Variants in NRXN3 observed in about 807,000 individuals in gnomAD.
NRXN3 encodes the protein neurexin III.
A neutral mutation model predicts 137.6 loss-of-function variants in NRXN3; 32 were observed. That is an observed-to-expected ratio of 0.23 (90% CI 0.18 to 0.31). NRXN3 has a LOEUF of 0.31. Among genes scored for constraint, NRXN3 ranks in the 10% least tolerant of loss-of-function variants. The probability of loss-of-function intolerance (pLI) is 1.00; values close to 1 mark genes in which losing one functional copy is unlikely to be tolerated. For synonymous variants in NRXN3, 798 were observed against 784.5 expected (o/e 1.02, Z -0.29); for missense variants, 1,574 against 2,062.5 (o/e 0.76, Z 4.59).
chr14:79,451,119 T>C (rs911515825), intron 15 of NRXN3, among the ~76,000 whole-genome samples: 1 of 150,632 alleles, frequency 6.6e-6, no homozygotes, highest in Non-Finnish European at 1.5e-5. Context: ...CTTCCACTCT[T>C]ATGACACATG....
At chr14:79,298,653 C>A (rs1156729144) in intron 15 of NRXN3, 1 of 151,872 alleles carries the variant, frequency 6.6e-6, no homozygotes. Context: ...TTTCTTCTAG[C>A]GTAATCACTG....
chr14:78,502,817 C>G (rs1407398719), intron 4 of NRXN3, among the ~76,000 whole-genome samples: 1 of 152,140 alleles, frequency 6.6e-6, no homozygotes, highest in African/African-American at 2.4e-5. Context: ...GATGAGGAGG[C>G]AGAGGGTAAA....
At chr14:79,585,599 C>T (rs375336093) in intron 16 of NRXN3, among the ~76,000 whole-genome samples, 1 of 148,516 alleles carries the variant, frequency 6.7e-6, no homozygotes, top group Non-Finnish European at 1.5e-5. Flanking sequence ...GCAGGAGAAT[C>T]GCCTGAACCC....
rs74063956 is a variant in NRXN3, at chr14:78,184,748, C to T, written c.-704+14074C>T. ...ATGAGGACCAGGAGTGGCTAGATGA[C>T]TTGTCCAGGGACACACATGTGGTTG... On this transcript the variant is annotated intron_variant, in intron 1 of 20. Transcript: ENST00000335750. Among the ~76,000 whole-genome samples, 163 of 152,316 alleles carry T rather than the reference C, an allele frequency of 1.1e-3. 1 individual carries two copies. Among genetic ancestry groups the T allele is most frequent in the African/African-American group, 3.8e-3 (159 of 41,570 alleles).
At chr14:79,743,029 AG>A (rs898375483) in intron 19 of NRXN3, among the ~76,000 whole-genome samples, 1 of 152,214 alleles carries the variant, frequency 6.6e-6, no homozygotes, top group Non-Finnish European at 1.5e-5. Flanking sequence ...TTTCAGGGTC[AG>A]GGTAGGCAGG....
Position 79,763,230 on chromosome 14 carries a change from A to G in NRXN3, c.4015-41882A>G, listed in dbSNP as rs188307293. On this transcript the variant is annotated intron_variant, in intron 19 of 20. Coordinates refer to ENST00000335750, the MANE Select transcript of NRXN3 (RefSeq NM_001330195.2). ...CTTTTTTATGGTTGCATAGTATTCC[A>G]TGGTGTATACGTGCCACATTTTCTT... 8.3e-4 allele frequency among the ~76,000 whole-genome samples: 126 copies of G among 151,740 alleles called. 5 individuals are homozygous for G. The highest frequency in any genetic ancestry group is 2.9e-3 in the African/African-American group (117 of 41,012).
chr14:79,490,918 C>T (rs2096710487), intron 16 of NRXN3, among the ~76,000 whole-genome samples: 1 of 152,064 alleles, frequency 6.6e-6, no homozygotes, highest in Admixed American at 6.5e-5. Flanking sequence ...AAACATCTCA[C>T]ATACTTCATA....
At chr14:79,673,095 T>C (rs759728216) in intron 17 of NRXN3, among the ~76,000 whole-genome samples, 22 of 151,970 alleles carry the variant, frequency 1.4e-4, no homozygotes, top group Non-Finnish European at 2.6e-4. Context: ...GACCTTCCAC[T>C]CCTCTAAAAT....
At chr14:78,730,731 A>G (rs2098511168) in intron 8 of NRXN3, among the ~76,000 whole-genome samples, 1 of 152,228 alleles carries the variant, frequency 6.6e-6, no homozygotes, top group Non-Finnish European at 1.5e-5. Context: ...AAATGGTCTT[A>G]GCAAGACAAA....
intron 1 of NRXN3, among the ~76,000 whole-genome samples, chr14:78,224,920 C>A (rs576962837): frequency 1.3e-5 from 2 of 149,284 alleles, no homozygotes; most frequent in East Asian, 3.9e-4. Context: ...GCACCCGCCA[C>A]CGTGCCCGGC....
intron 15 of NRXN3, among the ~76,000 whole-genome samples, chr14:79,349,444 A>G (rs1461270083): frequency 2.5e-4 from 38 of 151,986 alleles, no homozygotes; most frequent in Admixed American, 2.4e-3. Flanking sequence ...AAAGAAAAGT[A>G]AAAAGAAAGG....
chr14:78,871,389 A>C (rs1348124012), intron 10 of NRXN3, among the ~76,000 whole-genome samples: 2 of 152,064 alleles, frequency 1.3e-5, no homozygotes, highest in African/African-American at 2.4e-5. Flanking sequence ...TAATTTATCA[A>C]GCCAGATTGT....
intron 6 of NRXN3, among the ~76,000 whole-genome samples, chr14:78,653,638 TG>T (rs1434492288): frequency 6.6e-6 from 1 of 151,930 alleles, no homozygotes; most frequent in Non-Finnish European, 1.5e-5. Flanking sequence ...CTGAAAATTT[TG>T]AAACAAGTCT....
At position 78,506,643 on chromosome 14, in the gene NRXN3, G is replaced by GTTTTTT. The variant is rs71131653; in HGVS notation, c.758-138452_758-138447dup. 5.7e-5 allele frequency among the ~76,000 whole-genome samples: 6 copies of GTTTTTT among 105,410 alleles called. 1 individual carries two copies. Among genetic ancestry groups the GTTTTTT allele is most frequent in the African/African-American group, 1.1e-4 (3 of 27,928 alleles). The allele number at this position is 105,410 out of a possible 152,430, so 69.2% of individuals were successfully genotyped here. A position where few individuals can be genotyped will look rare whatever the true frequency, so the allele number is the denominator to read the frequency against. The stretch of plus-strand genomic sequence containing the variant: ...AGGTAATATCTCATATCTCATTGTA[G>GTTTTTT]TTTTTTTTTTTTTTTTTTTTTTTTT... On this transcript the variant is annotated intron_variant, in intron 4 of 20. Coordinates refer to ENST00000335750, the MANE Select transcript of NRXN3 (RefSeq NM_001330195.2).
chr14:78,358,548 G>A (rs1242962729), intron 4 of NRXN3, among the ~76,000 whole-genome samples: 1 of 152,194 alleles, frequency 6.6e-6, no homozygotes, highest in Non-Finnish European at 1.5e-5. Context: ...TCCAATGCAT[G>A]TTGAGTCTAA....
intron 19 of NRXN3, among the ~76,000 whole-genome samples, chr14:79,718,968 C>G (rs1476693616): frequency 1.3e-5 from 2 of 152,068 alleles, no homozygotes; most frequent in East Asian, 3.9e-4. Flanking sequence ...TTGATCAGCA[C>G]CTATTTCAAA....
At chr14:78,968,051 C>CTT (rs2099425892) in intron 13 of NRXN3, 122 bp from the exon 14 acceptor site, 4 of 8,658 alleles carry the variant, frequency 4.6e-4, no homozygotes, top group African/African-American at 1.6e-3. Context: ...TATGCTGTCC[C>CTT]CCCCCCCCCC....
chr14:79,847,362 T>C (rs2141622795), intron 20 of NRXN3, among the ~76,000 whole-genome samples: 1 of 152,348 alleles, frequency 6.6e-6, no homozygotes, highest in Middle Eastern at 3.4e-3. Context: ...CCTTGTGAGT[T>C]GGAGTTAAGC....
At position 79,764,799 on chromosome 14, in the gene NRXN3, C is replaced by T. The variant is rs1228761935; in HGVS notation, c.4015-40313C>T. Among the ~76,000 whole-genome samples the T allele has an allele frequency of 2.0e-5, 3 of 152,138 alleles. No individual in the cohort carries two copies. The East Asian group carries it at 5.8e-4, about 29-fold the overall frequency. On this transcript the variant is annotated intron_variant, in intron 19 of 20. Coordinates refer to ENST00000335750, the MANE Select transcript of NRXN3 (RefSeq NM_001330195.2). ...TAGGCCAAAAAAATGGGATAAAAAA[C>T]ATGCAAAACCATTCACCTATACAGA...
Sources: allele counts gnomAD v4.1 joint callset (sites outside exome capture counted in the v4.1 genomes callset), GRCh38; gene constraint gnomAD v4.1.1; transcripts MANE v1.5; gene names NCBI Gene and HGNC (gene_info 2026-07-23, HGNC 2026-07-21).